Variants in C4orf54 observed in about 807,000 individuals in gnomAD.
C4orf54 encodes the protein uncharacterized protein C4orf54.
Under a neutral mutation model 80.1 loss-of-function variants are expected in C4orf54, and 67 were observed. The ratio of observed to expected loss-of-function variants is 0.84; its 90% CI spans 0.69 to 1.03. The LOEUF (loss-of-function observed/expected upper bound fraction) is 1.03, where lower values mean the gene tolerates loss of function less well. Ranked by LOEUF, C4orf54 falls within the 50% of genes least tolerant of loss-of-function variation. The pLI is 0.00. For missense variants in C4orf54, 2,434 were observed against 2,253.5 expected (o/e 1.08, Z -1.62); for synonymous variants, 1,000 against 917.0 (o/e 1.09, Z -1.64).
chr4:99,644,496 A>G (rs1429484528), intron 2 of C4orf54, among the ~76,000 whole-genome samples: 1 of 152,200 alleles, frequency 6.6e-6, no homozygotes, highest in Non-Finnish European at 1.5e-5. Flanking sequence ...GGAAGTCACT[A>G]CCAAGTTAGT....
In C4orf54 at chr4:99,649,551, C is replaced by G. The variant is rs187824282; in HGVS notation, c.5098G>C (p.Ala1700Pro). Residue 1700 changes from alanine (A) to proline (P), a missense_variant, in exon 2 of 3, where the codon GCT (alanine) becomes CCT (proline). Transcript: ENST00000511828. ...NALQPTPIAR[A>P]PRGSELSPMV... ...GGGGAGAGCTCACTTCCTCTTGGAG[C>G]GCGAGCAATTGGTGTGGGCTGCAGA... 2.0e-6 allele frequency: 3 copies of G among 1,535,962 alleles called. No individual in the cohort carries two copies. The highest frequency in any genetic ancestry group is 2.6e-6 in the Non-Finnish European group (3 of 1,146,904).
rs867121324 is a variant in C4orf54 at position 99,651,500 on chromosome 4, G to A, written c.3149C>T (p.Thr1050Met). 17 of 1,536,098 alleles carry A rather than the reference G, an allele frequency of 1.1e-5. No individual in the cohort carries two copies. Among genetic ancestry groups the A allele is most frequent in the Non-Finnish European group, 7.8e-6 (9 of 1,146,902 alleles). The change falls in exon 2 of 3, where the codon ACG (threonine) becomes ATG (methionine). Residue 1050 changes from threonine to methionine, a missense_variant. Coordinates refer to ENST00000511828, the MANE Select transcript of C4orf54 (RefSeq NM_001354435.2). ...SSDFNIAKLL[T>M]PKLAGGSASN... The stretch of plus-strand genomic sequence containing the variant: ...GGCGCTGCCACCGGCCAGCTTGGGC[G>A]TGAGCAACTTGGCAATGTTGAAGTC...
rs1221041697 is a variant in C4orf54, at chr4:99,649,537, A to G, written c.5112T>C (p.Ser1704=). 6.5e-7 allele frequency: 1 copy of G among 1,536,134 alleles called. No homozygotes were observed. Among genetic ancestry groups the G allele is most frequent in the East Asian group, 2.4e-5 (1 of 40,908 alleles). The change falls in exon 2 of 3, where the codon AGT becomes AGC. Residue 1704 remains serine, a synonymous_variant. Coordinates refer to ENST00000511828, the MANE Select transcript of C4orf54 (RefSeq NM_001354435.2). The part of the protein sequence containing the change: ...PTPIARAPRG[S]ELSPMVAEPS... ...GTTCTGCCACCATTGGGGAGAGCTC[A>G]CTTCCTCTTGGAGCGCGAGCAATTG...
At chr4:99,649,079 C>T (rs1206208013) in intron 2 of C4orf54, among the ~76,000 whole-genome samples, 152 bp downstream of exon 2, 2 of 152,198 alleles carry the variant, frequency 1.3e-5, no homozygotes, top group Non-Finnish European at 2.9e-5. Flanking sequence ...AAATTATCCC[C>T]TTTGTAAATT....
intron 2 of C4orf54, among the ~76,000 whole-genome samples, chr4:99,645,410 T>TAAAAAAAAAAAAAAAA (rs70958324): frequency 1.8e-5 from 1 of 55,884 alleles, no homozygotes; most frequent in Non-Finnish European, 3.3e-5. Context: ...AGGCTTACAG[T>TAAAAAAAAAAAAAAAA]AAAAAAAAAA....
rs529347595 is a variant in C4orf54 at position 99,651,785 on chromosome 4, C to T, written c.2864G>A (p.Arg955Lys). Residue 955 changes from arginine to lysine, a missense_variant, in exon 2 of 3, where the codon AGG becomes AAG. By Grantham distance (26) the Arg-to-Lys change is conservative. Coordinates refer to ENST00000511828, the MANE Select transcript of C4orf54 (RefSeq NM_001354435.2). ...CTTCCCTATAGGGGCTTGTTCCTCC[C>T]TCTTCTCGGCCTCTTTCTCCTTCCA... The part of the protein sequence containing the change: ...RSWKEKEAEK[R>K]EEQAPIGKLK... 34 of 1,536,118 alleles carry T rather than the reference C, an allele frequency of 2.2e-5. 1 individual carries two copies. In the South Asian group the frequency reaches 2.9e-4, roughly 13 times the overall value.
Position 99,649,554 on chromosome 4 carries a change from G to A in C4orf54, c.5095C>T (p.Arg1699Cys), listed in dbSNP as rs190793723. ...TNALQPTPIA[R>C]APRGSELSPM... ...GAGAGCTCACTTCCTCTTGGAGCGC[G>A]AGCAATTGGTGTGGGCTGCAGAGCA... Residue 1699 changes from arginine (R) to cysteine (C), a missense_variant, in exon 2 of 3, where the codon CGC becomes TGC. Arg to Cys is a radical substitution (Grantham distance 180). Transcript: ENST00000511828. The A allele has an allele frequency of 1.2e-4, 180 of 1,536,146 alleles. No homozygotes were observed. In the African/African-American group the frequency reaches 1.6e-3, roughly 14 times the overall value.
rs1263499897 is a variant in C4orf54, at chr4:99,638,373, T to C, written c.*2860A>G. Reference sequence around the variant, plus strand: ...ATGTGTTCAGTTTTCCAGAAATGATTGAAATGGGACATATTTCAAATATGA... The same window carrying C: ...ATGTGTTCAGTTTTCCAGAAATGATCGAAATGGGACATATTTCAAATATGA... On this transcript the variant is annotated 3_prime_UTR_variant, in exon 3 of 3. Transcript: ENST00000511828. 6.6e-6 allele frequency: 1 copy of C among 152,142 alleles called. No individual in the cohort carries two copies. The highest frequency in any genetic ancestry group is 2.4e-5 in the African/African-American group (1 of 41,452). The allele number at this position is 152,142 out of a possible 1,614,324, so 9.4% of individuals were successfully genotyped here. A position where few individuals can be genotyped will look rare whatever the true frequency, so the allele number is the denominator to read the frequency against.
At position 99,657,495 on chromosome 4, in the gene C4orf54, C is replaced by T. The variant is rs937191163; in HGVS notation, c.-32G>A. On this transcript the variant is annotated splice_region_variant and 5_prime_UTR_variant, in exon 1 of 3. Coordinates refer to ENST00000511828, the MANE Select transcript of C4orf54 (RefSeq NM_001354435.2). ...GCATCATTCTGACAGTAGTACTTAC[C>T]TCCAAAGTATCTGTGTGGCTCCTTT... Among the ~76,000 whole-genome samples the T allele has an allele frequency of 3.3e-5, 5 of 152,200 alleles. No homozygotes were observed. Among genetic ancestry groups the T allele is most frequent in the African/African-American group, 9.6e-5 (4 of 41,458 alleles).
In C4orf54 at chr4:99,653,338, G is replaced by C. The variant is rs1345417021; in HGVS notation, c.1311C>G (p.Pro437=). ...TGGGCGTCCGGGTGGTGTTGGTGCT[G>C]GGAGTGGTGCTGAGGTAGCAGCTGT... ...DDNSCYLSTT[P]STNTTRTPSP... is the part of the protein sequence containing the mutation. Residue 437 remains proline (P), a synonymous_variant, in exon 2 of 3, where the codon CCC becomes CCG. Transcript: ENST00000511828. The C allele has an allele frequency of 1.3e-6, 2 of 1,535,158 alleles. No homozygotes were observed. Among genetic ancestry groups the C allele is most frequent in the Non-Finnish European group, 1.7e-6 (2 of 1,145,982 alleles).
At position 99,650,215 on chromosome 4, in the gene C4orf54, G is replaced by T; in HGVS notation, c.4434C>A (p.Ser1478Arg). 1 of 1,536,048 alleles carries T rather than the reference G, an allele frequency of 6.5e-7. No homozygotes were observed. The highest frequency in any genetic ancestry group is 1.4e-5 in the African/African-American group (1 of 73,120). Residue 1478 changes from serine (S) to arginine (R), a missense_variant, in exon 2 of 3, where the codon AGC (serine) becomes AGA (arginine). Physicochemically the swap from Ser to Arg is moderately radical, Grantham distance 110. Coordinates refer to ENST00000511828, the MANE Select transcript of C4orf54 (RefSeq NM_001354435.2). ...ENYLTIPLKG[S>R]SAAGELLSRP... is the part of the protein sequence containing the mutation. ...TGCTAAGAAGCTCCCCTGCAGCAGA[G>T]CTTCCTTTAAGAGGGATGGTCAGGT...
chr4:99,642,516 G>C (rs1022049416), intron 2 of C4orf54, among the ~76,000 whole-genome samples: 4 of 152,200 alleles, frequency 2.6e-5, no homozygotes, highest in Non-Finnish European at 5.9e-5. Context: ...TGATAGTGTA[G>C]ATATTGCCTT....
At position 99,638,982 on chromosome 4, in the gene C4orf54, G is replaced by C. The variant is rs890588881; in HGVS notation, c.*2251C>G. 2 of 152,108 alleles carry C rather than the reference G, an allele frequency of 1.3e-5. No individual in the cohort carries two copies. Among genetic ancestry groups the C allele is most frequent in the African/African-American group, 2.4e-5 (1 of 41,440 alleles). 9.4% of individuals were successfully genotyped at this position (152,108 alleles called of 1,614,324 possible). On this transcript the variant is annotated 3_prime_UTR_variant, in exon 3 of 3. Coordinates refer to ENST00000511828, the MANE Select transcript of C4orf54 (RefSeq NM_001354435.2). ...GAAAAGCTTTTTCTTTCTTTCCTTA[G>C]TTTGTGTCCTAATTTACCTCAGTGT...
In C4orf54 at chr4:99,649,960, C is replaced by T. The variant is rs1005727027; in HGVS notation, c.4689G>A (p.Pro1563=). 6.3e-5 allele frequency: 97 copies of T among 1,531,482 alleles called. No individual in the cohort carries two copies. The highest frequency in any genetic ancestry group is 8.0e-5 in the Non-Finnish European group (91 of 1,144,432). 94.9% of individuals were successfully genotyped at this position (1,531,482 alleles called of 1,614,324 possible). A position where few individuals can be genotyped will look rare whatever the true frequency, so the allele number is the denominator to read the frequency against. The change falls in exon 2 of 3, where the codon CCG becomes CCA. Residue 1563 remains proline, a synonymous_variant. Transcript: ENST00000511828. ...CCCCCTGTAGGGTGAAGGGCAGCGG[C>T]GGCTGGTGGTAGATGGTGGTGGGGG... is the stretch of plus-strand genomic sequence containing the variant. ...EHPPTTIYHQ[P]PLPFTLQGAQ...
chr4:99,648,157 GC>G (rs956366660), intron 2 of C4orf54, among the ~76,000 whole-genome samples: 1 of 151,792 alleles, frequency 6.6e-6, no homozygotes, highest in African/African-American at 2.4e-5. Context: ...AGTGTAAGGG[GC>G]AAGTTTGTCC....
intron 2 of C4orf54, 67 bp downstream of exon 2, chr4:99,649,164 C>G: frequency 2.2e-6 from 3 of 1,380,674 alleles, no homozygotes; most frequent in Non-Finnish European, 2.9e-6. Flanking sequence ...TCTCTCACTT[C>G]AAACACAAAC....
At chr4:99,643,792 A>ACCC (rs10714195) in intron 2 of C4orf54, among the ~76,000 whole-genome samples, 14 of 98,862 alleles carry the variant, frequency 1.4e-4, no homozygotes, top group East Asian at 6.1e-4. Context: ...ACACACACAC[A>ACCC]CCCCCTCCGC....
chr4:99,641,819 CTAAG>C (rs888480553), intron 2 of C4orf54, among the ~76,000 whole-genome samples: 1 of 151,998 alleles, frequency 6.6e-6, no homozygotes, highest in African/African-American at 2.4e-5. Context: ...AGAACTTTGC[CTAAG>C]TAAGTTTTTT....
chr4:99,653,371 G>A lies in C4orf54; in HGVS notation c.1278C>T (p.Asp426=). ...TGCTGAGGTAGCAGCTGTTGTCGTCGTCCTCTTCGGTCAGACTGGTGATGT... is the reference window on the plus strand; with the variant it reads ...TGCTGAGGTAGCAGCTGTTGTCGTCATCCTCTTCGGTCAGACTGGTGATGT... ...PGDITSLTEE[D]DDNSCYLSTT... Residue 426 remains aspartate (D), a synonymous_variant, in exon 2 of 3, where the codon GAC becomes GAT. Transcript: ENST00000511828. The A allele has an allele frequency of 6.5e-7, 1 of 1,536,238 alleles. No homozygotes were observed. The highest frequency in any genetic ancestry group is 8.7e-7 in the Non-Finnish European group (1 of 1,146,854).
Sources: gnomAD v4.1 joint callset for allele counts (sites outside exome capture counted in the v4.1 genomes callset) on GRCh38, gnomAD v4.1.1 for gene constraint, MANE v1.5 for transcripts, NCBI Gene and HGNC (gene_info 2026-07-23, HGNC 2026-07-21) for gene names.